The following LHPP variants were observed in gnomAD, a reference collection of about 807,000 sequenced individuals.
LHPP encodes the protein hLHPP.
A neutral mutation model predicts 30.3 loss-of-function variants in LHPP; 24 were observed. The ratio of observed to expected loss-of-function variants is 0.79; its 90% CI spans 0.57 to 1.11. The LOEUF (loss-of-function observed/expected upper bound fraction) is 1.11. LHPP is among the 50% of genes most tolerant of loss of function. LHPP has a pLI of 0.00. For synonymous variants in LHPP, 150 were observed against 157.1 expected (o/e 0.95, Z 0.34); for missense variants, 356 against 367.2 (o/e 0.97, Z 0.25).
At chr10:124,475,107 C>G (rs1952901691) in intron 1 of LHPP, among the ~76,000 whole-genome samples, 1 of 145,290 alleles carries the variant, frequency 6.9e-6, no homozygotes, top group African/African-American at 2.6e-5. Flanking sequence ...ACTGCAACCT[C>G]TGCCACCCAG....
chr10:124,465,138 T>C (rs1283618360), intron 1 of LHPP, among the ~76,000 whole-genome samples: 1 of 152,106 alleles, frequency 6.6e-6, no homozygotes, highest in African/African-American at 2.4e-5. Flanking sequence ...GGGACAGCTC[T>C]GAGGAGAAGG....
rs575366772 is a variant in LHPP at position 124,550,578 on chromosome 10, C to T, written c.716+33307C>T. Among the ~76,000 whole-genome samples the T allele has an allele frequency of 3.9e-5, 6 of 152,308 alleles. No homozygotes were observed. The East Asian group carries it at 7.7e-4, about 20-fold the overall frequency. On this transcript the variant is annotated intron_variant, in intron 6 of 6. Coordinates refer to ENST00000368842, the MANE Select transcript of LHPP (RefSeq NM_022126.4). ...GGAGGCGGCCCCAGAGGGGCAGAGGCGCAGTGTGTTTATGTGCACAGGGCC... is the reference window on the plus strand; with the variant it reads ...GGAGGCGGCCCCAGAGGGGCAGAGGTGCAGTGTGTTTATGTGCACAGGGCC...
chr10:124,601,013 CCTAA>C (rs940174447), intron 6 of LHPP, among the ~76,000 whole-genome samples: 13 of 152,204 alleles, frequency 8.5e-5, no homozygotes, highest in African/African-American at 2.4e-4. Flanking sequence ...AGAGTGGGCA[CCTAA>C]CTGAGGAGGC....
chr10:124,519,160 C>G (rs1370748958), intron 6 of LHPP, among the ~76,000 whole-genome samples: 1 of 152,130 alleles, frequency 6.6e-6, no homozygotes, highest in Admixed American at 6.5e-5. Context: ...GTTGGCCAGG[C>G]TGGTCTCGAA....
chr10:124,475,371 C>G (rs1040015705), intron 1 of LHPP, among the ~76,000 whole-genome samples: 4 of 151,756 alleles, frequency 2.6e-5, no homozygotes, highest in East Asian at 2.0e-4. Flanking sequence ...GAAACCCCAT[C>G]TCTACTAAAA....
intron 1 of LHPP, among the ~76,000 whole-genome samples, chr10:124,480,173 C>T (rs963001133): frequency 3.3e-5 from 5 of 151,988 alleles, no homozygotes; most frequent in African/African-American, 9.7e-5. Context: ...GGGGCTGGTC[C>T]CTGGTGGTCA....
chr10:124,476,483 A>G (rs1321088406), intron 1 of LHPP, among the ~76,000 whole-genome samples: 1 of 152,038 alleles, frequency 6.6e-6, no homozygotes, highest in East Asian at 1.9e-4. Flanking sequence ...ACCATCACCC[A>G]TCACTGTTTA....
intron 6 of LHPP, among the ~76,000 whole-genome samples, chr10:124,572,654 G>GGCAA (rs774671343): frequency 4.2e-4 from 20 of 47,702 alleles, no homozygotes; most frequent in East Asian, 2.8e-3. Context: ...AAGTAAGAAA[G>GGCAA]GAAAGGAAAG....
chr10:124,606,058 G>A (rs1949088258), intron 6 of LHPP, among the ~76,000 whole-genome samples: 1 of 152,200 alleles, frequency 6.6e-6, no homozygotes, highest in Admixed American at 6.5e-5. Context: ...GGTACCTGGA[G>A]GGCCCACCCC....
In LHPP at chr10:124,517,290, C is replaced by T; in HGVS notation, c.716+19C>T. On this transcript the variant is annotated intron_variant, in intron 6 of 6. Transcript: ENST00000368842. The surrounding 1 kb of genome is among the most constrained non-coding windows in gnomAD (Gnocchi z 4.1). ...AGTTCAGGTCAGTGCCAGCTGGAGTCATTTATTCACCTTCCTTCCAGGGGA... is the reference window on the plus strand; with the variant it reads ...AGTTCAGGTCAGTGCCAGCTGGAGTTATTTATTCACCTTCCTTCCAGGGGA... 1.3e-6 allele frequency: 2 copies of T among 1,497,302 alleles called. No individual in the cohort carries two copies. The highest frequency in any genetic ancestry group is 1.8e-6 in the Non-Finnish European group (2 of 1,101,188). 92.8% of individuals were successfully genotyped at this position (1,497,302 alleles called of 1,614,324 possible).
chr10:124,475,813 A>G (rs1312438451), intron 1 of LHPP, among the ~76,000 whole-genome samples: 1 of 152,094 alleles, frequency 6.6e-6, no homozygotes, highest in Non-Finnish European at 1.5e-5. Flanking sequence ...GGAAGAAAGG[A>G]GCCAGGATCC....
chr10:124,525,961 G>A (rs575751861), intron 6 of LHPP, among the ~76,000 whole-genome samples: 13 of 152,308 alleles, frequency 8.5e-5, no homozygotes, highest in African/African-American at 1.9e-4. Flanking sequence ...GGTGGAGGCC[G>A]GGAGGTGGCT....
chr10:124,508,590 CTTTT>C (rs200472559), intron 5 of LHPP, among the ~76,000 whole-genome samples: 1 of 135,446 alleles, frequency 7.4e-6, no homozygotes, highest in Admixed American at 7.3e-5. Flanking sequence ...CCCTTGGAGG[CTTTT>C]TTTTTTTTTT....
At position 124,593,075 on chromosome 10, in the gene LHPP, AGGGTGCTGCCCTCCCCACTG is replaced by A. The variant is rs1948901094; in HGVS notation, c.717-20187_717-20168del. On this transcript the variant is annotated intron_variant, in intron 6 of 6. Coordinates refer to ENST00000368842, the MANE Select transcript of LHPP (RefSeq NM_022126.4). This position sits in a 1 kb window ranked among gnomAD's most constrained non-coding sequence, Gnocchi z 4.9. The stretch of plus-strand genomic sequence containing the variant: ...CAAGTTGCTAGGGAAATACAGGGGG[AGGGTGCTGCCCTCCCCACTG>A]GCCCGCTCTGGGTCCCTGTGCTATG... 6.6e-6 allele frequency among the ~76,000 whole-genome samples: 1 copy of A among 152,052 alleles called. No individual in the cohort carries two copies. The highest frequency in any genetic ancestry group is 2.4e-5 in the African/African-American group (1 of 41,402).
intron 6 of LHPP, 51 bp from the exon 7 acceptor site, chr10:124,613,213 G>A: frequency 2.2e-6 from 3 of 1,358,212 alleles, no homozygotes; most frequent in Non-Finnish European, 1.1e-6. Flanking sequence ...GGGTGTGGCT[G>A]CAGAGGGGTC....
At chr10:124,500,377 C>G (rs544019446) in intron 5 of LHPP, among the ~76,000 whole-genome samples, 1 of 152,034 alleles carries the variant, frequency 6.6e-6, no homozygotes, top group East Asian at 1.9e-4. Context: ...GAGGCTGAGG[C>G]AGGAGAATTG....
intron 5 of LHPP, among the ~76,000 whole-genome samples, chr10:124,509,171 A>G (rs1195350001): frequency 6.6e-6 from 1 of 152,168 alleles, no homozygotes; most frequent in Non-Finnish European, 1.5e-5. Flanking sequence ...AATGGCCTCC[A>G]GTTCCATCCC....
intron 1 of LHPP, among the ~76,000 whole-genome samples, chr10:124,482,059 C>G (rs1310986539): frequency 6.6e-6 from 1 of 152,192 alleles, no homozygotes; most frequent in East Asian, 1.9e-4. Context: ...TTCTGGGATT[C>G]AGTCCCTCAC....
intron 6 of LHPP, among the ~76,000 whole-genome samples, chr10:124,550,139 G>A (rs1443244875): frequency 6.6e-6 from 1 of 152,224 alleles, no homozygotes; most frequent in Non-Finnish European, 1.5e-5. Flanking sequence ...TGCGTGCTGT[G>A]AACTGGGCGT....
Sources: gnomAD v4.1 joint callset for allele counts (sites outside exome capture counted in the v4.1 genomes callset) on GRCh38, gnomAD v4.1.1 for gene constraint, Gnocchi (gnomAD v3.1) non-coding constraint, MANE v1.5 for transcripts, NCBI Gene and HGNC (gene_info 2026-07-23, HGNC 2026-07-21) for gene names.